Variants in XRCC5 observed in about 807,000 individuals in gnomAD.
The protein encoded by XRCC5 is DNA repair protein Ku80.
A neutral mutation model predicts 95.7 loss-of-function variants in XRCC5; 12 were observed. The ratio of observed to expected loss-of-function variants is 0.13; its 90% CI spans 0.08 to 0.20. XRCC5 has a LOEUF of 0.20. Among genes scored for constraint, XRCC5 ranks in the 10% least tolerant of loss-of-function variants. The probability of loss-of-function intolerance (pLI) is 1.00; values close to 1 mark genes in which losing one functional copy is unlikely to be tolerated. For missense variants in XRCC5, 595 were observed against 873.9 expected (o/e 0.68, Z 4.02); for synonymous variants, 281 against 290.3 (o/e 0.97, Z 0.33).
chr2:216,128,307 A>G (rs1311314847), intron 8 of XRCC5, among the ~76,000 whole-genome samples: 1 of 152,160 alleles, frequency 6.6e-6, no homozygotes. Flanking sequence ...TCCTTAGATA[A>G]ATGTTTTGCC....
chr2:216,153,595 C>T lies in XRCC5; in HGVS notation c.1670+5319C>T, dbSNP rs545558948. Among the ~76,000 whole-genome samples the T allele has an allele frequency of 2.6e-5, 4 of 152,326 alleles. No homozygotes were observed. The East Asian group carries it at 5.8e-4, about 22-fold the overall frequency. On this transcript the variant is annotated intron_variant, in intron 14 of 20. Transcript: ENST00000392132. ...TACACACATTATCTGTTTGGACCCA[C>T]GTTGCCATCCTATGAAGTAGATTCT... is the stretch of plus-strand genomic sequence containing the variant.
chr2:216,184,763 G>C (rs961531880), intron 16 of XRCC5, among the ~76,000 whole-genome samples: 1 of 152,218 alleles, frequency 6.6e-6, no homozygotes, highest in Non-Finnish European at 1.5e-5. Flanking sequence ...TTACAGGCTT[G>C]AGCCGCTGGG....
chr2:216,172,793 C>T (rs1349898400), intron 16 of XRCC5, among the ~76,000 whole-genome samples: 1 of 152,060 alleles, frequency 6.6e-6, no homozygotes, highest in Non-Finnish European at 1.5e-5. Flanking sequence ...ATGAAAAACC[C>T]ACTGGTATTT....
chr2:216,117,096 G>A, intron 3 of XRCC5: 1 of 509,726 alleles, frequency 2.0e-6, no homozygotes, highest in Non-Finnish European at 3.5e-6. Context: ...GGCATAGGAA[G>A]GGGGAAGATC....
chr2:216,168,070 C>T (rs191135284), intron 16 of XRCC5, among the ~76,000 whole-genome samples: 2 of 152,302 alleles, frequency 1.3e-5, no homozygotes, highest in South Asian at 2.1e-4. Context: ...CAAGTGGTCT[C>T]ATTGTAACAC....
chr2:216,189,688 G>C (rs1316197535), intron 16 of XRCC5, among the ~76,000 whole-genome samples: 1 of 152,128 alleles, frequency 6.6e-6, no homozygotes, highest in Non-Finnish European at 1.5e-5. Context: ...CATTCGAAAG[G>C]GATATTTTGT....
chr2:216,115,570 G>A (rs941082662), intron 2 of XRCC5, among the ~76,000 whole-genome samples: 1 of 152,204 alleles, frequency 6.6e-6, no homozygotes, highest in Non-Finnish European at 1.5e-5. Flanking sequence ...GGATTAAACA[G>A]ACCCTACAAA....
chr2:216,171,111 A>T (rs73058488), intron 16 of XRCC5, among the ~76,000 whole-genome samples: 5,981 of 152,306 alleles, frequency 0.039, 397 homozygotes, highest in African/African-American at 0.14. Flanking sequence ...TTAGGAAAGG[A>T]TGTTAGGCTT....
intron 15 of XRCC5, among the ~76,000 whole-genome samples, chr2:216,161,159 A>T (rs1559252006): frequency 6.6e-6 from 1 of 152,194 alleles, no homozygotes; most frequent in African/African-American, 2.4e-5. Context: ...GTGAAAAATG[A>T]TTTAGATTTC....
At chr2:216,110,491 T>C (rs1391455816) in intron 1 of XRCC5, 1 of 152,164 alleles carries the variant, frequency 6.6e-6, no homozygotes, top group Non-Finnish European at 1.5e-5. Context: ...GTAGCTCTAG[T>C]GGAGGAGCTG....
chr2:216,117,786 T>C lies in XRCC5; in HGVS notation c.360T>C (p.His120=), dbSNP rs777046878. ...ALIVSMDVIQ[H]ETIGKKFEKR... is the part of the protein sequence containing the mutation. ...TCGTGAGCATGGATGTGATTCAACA[T>C]GAAACAATGTAAGTGTTCCAAGGAA... Residue 120 remains histidine (H), a synonymous_variant, in exon 4 of 21, where the codon CAT becomes CAC. Coordinates refer to ENST00000392132, the MANE Select transcript of XRCC5 (RefSeq NM_021141.4). 7 of 1,614,138 alleles carry C rather than the reference T, an allele frequency of 4.3e-6. No individual in the cohort carries two copies. The East Asian group carries it at 1.3e-4, about 31-fold the overall frequency.
intron 2 of XRCC5, 114 bp from the exon 3 acceptor site, chr2:216,116,545 G>A: frequency 8.7e-7 from 1 of 1,143,370 alleles, no homozygotes; most frequent in Non-Finnish European, 1.3e-6. Flanking sequence ...ATACTATATG[G>A]CCCCAGGGAC....
At chr2:216,177,897 A>G (rs1689307874) in intron 16 of XRCC5, among the ~76,000 whole-genome samples, 2 of 152,168 alleles carry the variant, frequency 1.3e-5, no homozygotes, top group Non-Finnish European at 2.9e-5. Context: ...TATACATTGG[A>G]ATTTTAAATG....
intron 7 of XRCC5, 110 bp downstream of exon 7, chr2:216,126,141 T>C: frequency 1.2e-6 from 1 of 817,612 alleles, no homozygotes; most frequent in South Asian, 1.9e-5. Flanking sequence ...AATTACTGCT[T>C]TTCTAGTTGT....
At chr2:216,196,203 G>A (rs1420362936) in intron 19 of XRCC5, among the ~76,000 whole-genome samples, 2 of 147,720 alleles carry the variant, frequency 1.4e-5, no homozygotes, top group Non-Finnish European at 3.0e-5. Context: ...ACTTTGCCTA[G>A]CAAAAGATTT....
chr2:216,201,496 G>A (rs1165245963), intron 19 of XRCC5, among the ~76,000 whole-genome samples: 3 of 152,108 alleles, frequency 2.0e-5, no homozygotes, highest in Admixed American at 2.0e-4. Flanking sequence ...TTGTGGCCAG[G>A]ATTATATTTC....
intron 10 of XRCC5, among the ~76,000 whole-genome samples, chr2:216,133,699 G>C (rs948143933): frequency 1.3e-5 from 2 of 152,160 alleles, no homozygotes; most frequent in Non-Finnish European, 2.9e-5. Flanking sequence ...ATCACTTTGA[G>C]ATAACTCAAG....
intron 16 of XRCC5, among the ~76,000 whole-genome samples, chr2:216,185,723 T>G (rs188323377): frequency 1.3e-5 from 2 of 151,936 alleles, no homozygotes; most frequent in Non-Finnish European, 2.9e-5. Context: ...TTGCCCAGGT[T>G]GGAGTGCAGT....
At chr2:216,113,743 C>T (rs1231889617) in intron 2 of XRCC5, among the ~76,000 whole-genome samples, 3 of 152,206 alleles carry the variant, frequency 2.0e-5, no homozygotes, top group Non-Finnish European at 4.4e-5. Context: ...TGGCTGTGAG[C>T]TCAGTTGGGG....
Sources: gnomAD v4.1 joint callset for allele counts (sites outside exome capture counted in the v4.1 genomes callset) on GRCh38, gnomAD v4.1.1 for gene constraint, MANE v1.5 for transcripts, NCBI Gene and HGNC (gene_info 2026-07-23, HGNC 2026-07-21) for gene names.